WDR11: variants seen among roughly 807,000 people sequenced by gnomAD.
WDR11 encodes the protein WD repeat domain 11.
In WDR11, 83 loss-of-function variants were observed where a neutral mutation model predicts 151.2. The ratio of observed to expected loss-of-function variants is 0.55; its 90% CI spans 0.46 to 0.66. The LOEUF (loss-of-function observed/expected upper bound fraction) is 0.66. Ranked by LOEUF, WDR11 falls within the 30% of genes least tolerant of loss-of-function variation. WDR11 has a pLI of 0.00. For missense variants in WDR11, 1,301 were observed against 1,480.9 expected, an observed-to-expected ratio of 0.88 and a Z score of 1.99; for synonymous variants, 484 against 533.1, an observed-to-expected ratio of 0.91 and a Z score of 1.27.
At chr10:120,904,231 T>C (rs1224887419) in intron 24 of WDR11, 89 bp downstream of exon 24, 2 of 1,073,054 alleles carry the variant, frequency 1.9e-6, no homozygotes, top group Non-Finnish European at 2.8e-6. Context: ...ATATATTTCA[T>C]AATATTTTCC....
Position 120,889,932 on chromosome 10 carries a change from C to G in WDR11, c.2266C>G (p.Arg756Gly). ...PTHRSWVRKIRFAPGKGNQKL... is the reference protein window; with the variant it reads ...PTHRSWVRKIGFAPGKGNQKL... ...ACACCGAAGTTGGGTGAGGAAGATT[C>G]GTTTTGCTCCTGGTAAAGGAAATCA... The change falls in exon 18 of 29, where the codon CGT (arginine) becomes GGT (glycine). Residue 756 changes from arginine (R) to glycine (G), a missense_variant. Arg to Gly is a moderately radical substitution (Grantham distance 125). Around this residue, in one of 3 missense-constraint regions of WDR11, gnomAD observed 589 missense variants for 670.6 expected, o/e 0.88. Transcript: ENST00000263461. 1.9e-6 allele frequency: 3 copies of G among 1,614,016 alleles called. No individual in the cohort carries two copies. Among genetic ancestry groups the G allele is most frequent in the Non-Finnish European group, 2.5e-6 (3 of 1,179,934 alleles).
intron 2 of WDR11, among the ~76,000 whole-genome samples, chr10:120,857,355 G>C (rs756153950): frequency 1.1e-4 from 17 of 152,138 alleles, no homozygotes; most frequent in Admixed American, 9.2e-4. Flanking sequence ...CAAAAGCACT[G>C]CAAGTATTGA....
At chr10:120,872,212 T>C (rs1846571310) in intron 10 of WDR11, among the ~76,000 whole-genome samples, 1 of 152,234 alleles carries the variant, frequency 6.6e-6, no homozygotes, top group Admixed American at 6.5e-5. Context: ...CTTCTGTTTT[T>C]TTCTGTGCCT....
At position 120,908,921 on chromosome 10, in the gene WDR11, T is replaced by C; in HGVS notation, c.*208T>C. On this transcript the variant is annotated 3_prime_UTR_variant, in exon 29 of 29. Transcript: ENST00000263461. ...TCCTGCGTTGGTCTCAGAAAGAACGTGAATGCTTAAGATTTTGAAAGTACA... is the reference window on the plus strand; with the variant it reads ...TCCTGCGTTGGTCTCAGAAAGAACGCGAATGCTTAAGATTTTGAAAGTACA... 1.7e-6 allele frequency: 1 copy of C among 600,748 alleles called. No individual in the cohort carries two copies. 37.2% of individuals were successfully genotyped at this position (600,748 alleles called of 1,614,324 possible). A position where few individuals can be genotyped will look rare whatever the true frequency, so the allele number is the denominator to read the frequency against.
At chr10:120,896,257 C>T (rs1377560299) in intron 19 of WDR11, among the ~76,000 whole-genome samples, 1 of 152,118 alleles carries the variant, frequency 6.6e-6, no homozygotes, top group East Asian at 1.9e-4. Flanking sequence ...TTCATGCACA[C>T]GTTTGCTTAC....
In WDR11 at chr10:120,865,618, A is replaced by G. The variant is rs187463420; in HGVS notation, c.880-12A>G. ...TTGTGTTTTAAAAAATAAATATATCATCTATTTAAAGGTAATACCCTGCTT... is the reference window on the plus strand; with the variant it reads ...TTGTGTTTTAAAAAATAAATATATCGTCTATTTAAAGGTAATACCCTGCTT... On this transcript the variant is annotated splice_polypyrimidine_tract_variant and intron_variant, in intron 6 of 28. Coordinates refer to ENST00000263461, the MANE Select transcript of WDR11 (RefSeq NM_018117.12). 195 of 1,529,968 alleles carry G rather than the reference A, an allele frequency of 1.3e-4. No individual in the cohort carries two copies. In the African/African-American group the frequency reaches 2.3e-3, roughly 18 times the overall value. 94.8% of individuals were successfully genotyped at this position (1,529,968 alleles called of 1,614,324 possible).
At chr10:120,852,356 C>G (rs1231886576) in intron 1 of WDR11, 168 bp from the exon 2 acceptor site, 1 of 624,576 alleles carries the variant, frequency 1.6e-6, no homozygotes, top group East Asian at 2.9e-5. Flanking sequence ...TTAAGCTTAG[C>G]CAGATCTTTT....
At chr10:120,854,865 G>A (rs12255539) in intron 2 of WDR11, among the ~76,000 whole-genome samples, 25,047 of 152,054 alleles carry the variant, frequency 0.16, 2,538 homozygotes, top group East Asian at 0.34. Flanking sequence ...TAATTGAGTC[G>A]TAAGATTTCT....
rs557499938 is a variant in WDR11 at position 120,903,205 on chromosome 10, C to T, written c.2904C>T (p.Asp968=). ...GCAACCCACTGGATATATGCTATGA[C>T]GTGCTCTGTGAAAATGCCTACTTTC... ...KLSNPLDICY[D]VLCENAYFQK... Residue 968 remains aspartate, a synonymous_variant, in exon 23 of 29, where the codon GAC becomes GAT. Coordinates refer to ENST00000263461, the MANE Select transcript of WDR11 (RefSeq NM_018117.12). 1.1e-5 allele frequency: 17 copies of T among 1,614,194 alleles called. 1 individual carries two copies. The highest frequency in any genetic ancestry group is 2.2e-5 in the East Asian group (1 of 44,884).
chr10:120,888,789 AT>A (rs1847313434), intron 16 of WDR11, among the ~76,000 whole-genome samples: 1 of 151,498 alleles, frequency 6.6e-6, no homozygotes, highest in Admixed American at 6.6e-5. Flanking sequence ...TCTTACTTTA[AT>A]TTCCCCCTTT....
chr10:120,895,018 A>T (rs371110244), intron 19 of WDR11, among the ~76,000 whole-genome samples: 6 of 152,224 alleles, frequency 3.9e-5, no homozygotes, highest in African/African-American at 9.6e-5. Flanking sequence ...TATTTGTTTT[A>T]AAAAATAAGG....
At position 120,862,814 on chromosome 10, in the gene WDR11, C is replaced by T. The variant is rs1284154476; in HGVS notation, c.606C>T (p.Tyr202=). Residue 202 remains tyrosine, a synonymous_variant, in exon 5 of 29, where the codon TAC becomes TAT. Coordinates refer to ENST00000263461, the MANE Select transcript of WDR11 (RefSeq NM_018117.12). The part of the protein sequence containing the change: ...KPPSGPGKKV[Y]ISSPHSSPAH... ...CCTCAGGCCCTGGGAAAAAAGTTTACATATCCAGCCCACACTCTAGCCCAG... is the reference window on the plus strand; with the variant it reads ...CCTCAGGCCCTGGGAAAAAAGTTTATATATCCAGCCCACACTCTAGCCCAG... 6 of 1,614,132 alleles carry T rather than the reference C, an allele frequency of 3.7e-6. No homozygotes were observed. Among genetic ancestry groups the T allele is most frequent in the Non-Finnish European group, 5.1e-6 (6 of 1,180,018 alleles).
chr10:120,871,161 A>G lies in WDR11; in HGVS notation c.1295-9A>G. The G allele has an allele frequency of 6.2e-7, 1 of 1,614,120 alleles. No homozygotes were observed. The highest frequency in any genetic ancestry group is 2.2e-5 in the East Asian group (1 of 44,890). ...AGTTAATATATTTGTTATTTTTATT[A>G]CAAATCAGGGCAAAGTGCAATTGCT... On this transcript the variant is annotated splice_polypyrimidine_tract_variant and intron_variant, in intron 9 of 28. Transcript: ENST00000263461.
intron 16 of WDR11, among the ~76,000 whole-genome samples, 174 bp downstream of exon 16, chr10:120,887,010 C>G (rs1343626832): frequency 1.3e-5 from 2 of 152,182 alleles, no homozygotes; most frequent in Admixed American, 1.3e-4. Context: ...AACGCTGTAA[C>G]TATTTTGATT....
Position 120,901,091 on chromosome 10 carries a change from T to C in WDR11, c.2680T>C (p.Leu894=). ...TCTCCTCCAAGAACAGTTGAATTCA[T>C]TGTCTAAGTAAGCACTCCATGTTTC... ...KNLLQEQLNS[L]SNDIKKLLLD... Residue 894 remains leucine (L), a synonymous_variant, in exon 21 of 29, where the codon TTG becomes CTG. Coordinates refer to ENST00000263461, the MANE Select transcript of WDR11 (RefSeq NM_018117.12). 1 of 1,611,584 alleles carries C rather than the reference T, an allele frequency of 6.2e-7. No individual in the cohort carries two copies. Among genetic ancestry groups the C allele is most frequent in the African/African-American group, 1.3e-5 (1 of 75,004 alleles).
chr10:120,873,451 G>A (rs1846619420), intron 10 of WDR11, among the ~76,000 whole-genome samples: 1 of 152,182 alleles, frequency 6.6e-6, no homozygotes, highest in African/African-American at 2.4e-5. Context: ...ACCCTGGTTA[G>A]TGAGCTCTGC....
chr10:120,851,607 C>G, intron 1 of WDR11, 101 bp downstream of exon 1: 1 of 1,446,176 alleles, frequency 6.9e-7, no homozygotes, highest in Non-Finnish European at 9.4e-7. Flanking sequence ...TTTGGCCTCG[C>G]TAAGGCAGGG....
At chr10:120,904,599 T>C (rs771606724) in intron 24 of WDR11, 47 bp from the exon 25 acceptor site, 2 of 1,610,558 alleles carry the variant, frequency 1.2e-6, no homozygotes, top group Non-Finnish European at 1.7e-6. Flanking sequence ...AAAAGTTATG[T>C]TGGAGGAAAA....
rs1847360736 is a variant in WDR11 at position 120,889,887 on chromosome 10, G to A, written c.2229-8G>A. ...ATTGTATTGATGTTTTTGTTTCTTT[G>A]TCTTCAGAGGAATACCCACACACCG... On this transcript the variant is annotated splice_polypyrimidine_tract_variant and splice_region_variant and intron_variant, in intron 17 of 28. Coordinates refer to ENST00000263461, the MANE Select transcript of WDR11 (RefSeq NM_018117.12). 6.2e-7 allele frequency: 1 copy of A among 1,601,142 alleles called. No individual in the cohort carries two copies. The highest frequency in any genetic ancestry group is 8.6e-7 in the Non-Finnish European group (1 of 1,168,490).
Sources: gnomAD v4.1 joint callset for allele counts (sites outside exome capture counted in the v4.1 genomes callset) on GRCh38, gnomAD v4.1.1 for gene constraint, gnomAD v4.1.1 regional missense constraint, MANE v1.5 for transcripts, NCBI Gene and HGNC (gene_info 2026-07-23, HGNC 2026-07-21) for gene names.